ENPP2: variants seen among roughly 807,000 people sequenced by gnomAD.
ENPP2 encodes autotaxin.
In ENPP2, 51 loss-of-function variants were observed where a neutral mutation model predicts 120.2. That is an observed-to-expected ratio of 0.42 (90% CI 0.34 to 0.54). The LOEUF is 0.54. Ranked by LOEUF, ENPP2 falls within the 20% of genes least tolerant of loss-of-function variation. ENPP2 has a pLI of 0.04. For missense variants in ENPP2, 920 were observed against 1,066.5 expected, an observed-to-expected ratio of 0.86 and a Z score of 1.91; for synonymous variants, 365 against 366.4, an observed-to-expected ratio of 1.00 and a Z score of 0.04.
At chr8:119,652,912 T>C (rs1283328211) in intron 1 of ENPP2, among the ~76,000 whole-genome samples, 1 of 152,196 alleles carries the variant, frequency 6.6e-6, no homozygotes, top group East Asian at 1.9e-4. Context: ...AATTTAGGTA[T>C]ACAACTTTGC....
intron 17 of ENPP2, 56 bp from the exon 18 acceptor site, chr8:119,582,658 T>C (rs1812831628): frequency 5.5e-6 from 7 of 1,276,496 alleles, no homozygotes; most frequent in Non-Finnish European, 6.8e-6. Flanking sequence ...TGATGAGATA[T>C]GGTAAGATTT....
In ENPP2 at chr8:119,593,027, T is replaced by C. The variant is rs945882025; in HGVS notation, c.1081+725A>G. On this transcript the variant is annotated intron_variant, in intron 12 of 24. Transcript: ENST00000075322. ...CAATGCTACTGTTTCAATCTAATAGTTCCGGAATACAGGAGATACCCTTTA... is the reference window on the plus strand; with the variant it reads ...CAATGCTACTGTTTCAATCTAATAGCTCCGGAATACAGGAGATACCCTTTA... 1.4e-5 allele frequency: 12 copies of C among 886,454 alleles called. No homozygotes were observed. The African/African-American group carries it at 2.0e-4, about 15-fold the overall frequency. 54.9% of individuals were successfully genotyped at this position (886,454 alleles called of 1,614,324 possible).
intron 9 of ENPP2, among the ~76,000 whole-genome samples, chr8:119,602,381 C>T (rs367749177): frequency 6.7e-5 from 10 of 149,968 alleles, no homozygotes; most frequent in African/African-American, 2.5e-4. Context: ...CGCTTGAATC[C>T]AGGAGGCAGA....
intron 1 of ENPP2, among the ~76,000 whole-genome samples, chr8:119,669,601 A>G (rs1199760509): frequency 6.6e-6 from 1 of 152,180 alleles, no homozygotes; most frequent in Admixed American, 6.5e-5. Flanking sequence ...ACTCTCCCAA[A>G]TGTCTGTGGA....
intron 19 of ENPP2, among the ~76,000 whole-genome samples, chr8:119,576,524 T>A (rs1401970385): frequency 6.6e-6 from 1 of 152,220 alleles, no homozygotes; most frequent in Admixed American, 6.5e-5. Flanking sequence ...TAAAATTATT[T>A]TTAATTCCTT....
chr8:119,650,142 A>G (rs947273306), intron 1 of ENPP2, among the ~76,000 whole-genome samples: 5 of 152,234 alleles, frequency 3.3e-5, no homozygotes. Flanking sequence ...ATACGGTGAA[A>G]TATTACTCAG....
chr8:119,593,422 C>T (rs905367054), intron 12 of ENPP2, among the ~76,000 whole-genome samples: 1 of 152,112 alleles, frequency 6.6e-6, no homozygotes, highest in African/African-American at 2.4e-5. Context: ...GAGATTATCA[C>T]CTGATATGTC....
chr8:119,565,057 G>T, intron 22 of ENPP2, 102 bp from the exon 23 acceptor site: 1 of 940,188 alleles, frequency 1.1e-6, no homozygotes, highest in Non-Finnish European at 1.6e-6. Flanking sequence ...AATCTCACAA[G>T]CCAAGAGACA....
At position 119,600,665 on chromosome 8, in the gene ENPP2, C is replaced by A; in HGVS notation, c.972+13G>T. On this transcript the variant is annotated intron_variant, in intron 11 of 24. Transcript: ENST00000075322. The stretch of plus-strand genomic sequence containing the variant: ...GCCACAGATTCTTCTCAGGCAGATG[C>A]TAAACCACTAACCTCAGGGCCGAAA... 1 of 1,579,220 alleles carries A rather than the reference C, an allele frequency of 6.3e-7. No homozygotes were observed. The highest frequency in any genetic ancestry group is 8.7e-7 in the Non-Finnish European group (1 of 1,148,638).
At chr8:119,660,710 T>C (rs1339014582) in intron 1 of ENPP2, among the ~76,000 whole-genome samples, 1 of 152,220 alleles carries the variant, frequency 6.6e-6, no homozygotes, top group African/African-American at 2.4e-5. Context: ...TTTGAGCAGT[T>C]GTAGGCAAAG....
At chr8:119,615,942 C>T (rs1477364519) in intron 8 of ENPP2, among the ~76,000 whole-genome samples, 1 of 151,938 alleles carries the variant, frequency 6.6e-6, no homozygotes. Context: ...AAGATGCATG[C>T]ATATATACAC....
At chr8:119,616,113 T>A (rs1815438548) in intron 8 of ENPP2, 152 bp downstream of exon 8, 4 of 588,278 alleles carry the variant, frequency 6.8e-6, no homozygotes, top group Non-Finnish European at 1.2e-5. Flanking sequence ...ATATTTCATG[T>A]TTGTATGTAT....
chr8:119,619,329 A>T, intron 4 of ENPP2, 25 bp from the exon 5 acceptor site: 1 of 1,526,572 alleles, frequency 6.6e-7, no homozygotes, highest in East Asian at 2.3e-5. Context: ...GGGTAAATGT[A>T]TTGTTGAATC....
At chr8:119,583,138 C>A (rs1031980663) in intron 17 of ENPP2, among the ~76,000 whole-genome samples, 1 of 152,048 alleles carries the variant, frequency 6.6e-6, no homozygotes. Context: ...TTGCCAAGTG[C>A]GTATTCAGTA....
At chr8:119,585,698 T>A (rs751862815) in intron 15 of ENPP2, among the ~76,000 whole-genome samples, 1 of 152,146 alleles carries the variant, frequency 6.6e-6, no homozygotes, top group East Asian at 1.9e-4. Context: ...TGTAGTTCAA[T>A]AGAAGGCAAA....
chr8:119,630,977 C>A (rs1219393073), intron 2 of ENPP2, among the ~76,000 whole-genome samples: 2 of 151,542 alleles, frequency 1.3e-5, no homozygotes, highest in Non-Finnish European at 2.9e-5. Context: ...TCACTGCAAC[C>A]CCCGCCTCCT....
chr8:119,604,092 A>G (rs1237214692), intron 9 of ENPP2, among the ~76,000 whole-genome samples: 2 of 150,818 alleles, frequency 1.3e-5, no homozygotes, highest in African/African-American at 2.4e-5. Flanking sequence ...CAGTGACACA[A>G]TCTCGGCTCA....
intron 24 of ENPP2, among the ~76,000 whole-genome samples, chr8:119,560,390 C>T (rs916770757): frequency 3.9e-5 from 6 of 152,152 alleles, no homozygotes; most frequent in Admixed American, 2.6e-4. Context: ...AGGGCCAAGC[C>T]AGTAAGTTGA....
intron 5 of ENPP2, chr8:119,618,111 C>T: frequency 2.9e-6 from 1 of 345,074 alleles, no homozygotes; most frequent in Non-Finnish European, 5.7e-6. Flanking sequence ...ATTAAGAAGT[C>T]ATGAAACATT....
Sources: allele counts gnomAD v4.1 joint callset (sites outside exome capture counted in the v4.1 genomes callset), GRCh38; gene constraint gnomAD v4.1.1; transcripts MANE v1.5; gene names NCBI Gene and HGNC (gene_info 2026-07-23, HGNC 2026-07-21).